CREBBP: variants seen among roughly 807,000 people sequenced by gnomAD.
CREBBP encodes CREB binding lysine acetyltransferase.
A neutral mutation model predicts 265.0 loss-of-function variants in CREBBP; 19 were observed. The observed-to-expected ratio is 0.07, with a 90% confidence interval of 0.05 to 0.11. CREBBP has a LOEUF of 0.11. Among genes scored for constraint, CREBBP ranks in the 10% least tolerant of loss-of-function variants. The pLI, the probability that CREBBP is intolerant of heterozygous loss-of-function variation, is 1.00. For synonymous variants in CREBBP, 1,457 were observed against 1,223.7 expected (o/e 1.19, Z -3.98); for missense variants, 2,525 against 3,219.0 (o/e 0.78, Z 5.22).
chr16:3,781,275 T>G lies in CREBBP; in HGVS notation c.1605A>C (p.Gly535=), dbSNP rs771894829. 40 of 1,613,854 alleles carry G rather than the reference T, an allele frequency of 2.5e-5. No homozygotes were observed. Among genetic ancestry groups the G allele is most frequent in the Non-Finnish European group, 3.4e-5 (40 of 1,179,890 alleles). The change falls in exon 7 of 31, where the codon GGA becomes GGC. Residue 535 remains glycine, a synonymous_variant. Transcript: ENST00000262367. ...TTGGGGGCTGCTGATCTGTTGTTATTCCTCCTGCTGGAATGTTCATTGGAT... is the reference window on the plus strand; with the variant it reads ...TTGGGGGCTGCTGATCTGTTGTTATGCCTCCTGCTGGAATGTTCATTGGAT... ...GNNPMNIPAG[G]ITTDQQPPNL...
intron 1 of CREBBP, among the ~76,000 whole-genome samples, chr16:3,878,426 ACT>A (rs1597096970): frequency 6.6e-6 from 1 of 152,176 alleles, no homozygotes; most frequent in South Asian, 2.1e-4. Context: ...ACTCCTCCCC[ACT>A]GTTTAACAAA....
At chr16:3,757,715 TC>T in intron 18 of CREBBP, 93 bp downstream of exon 18, 1 of 1,542,572 alleles carries the variant, frequency 6.5e-7, no homozygotes, top group East Asian at 2.3e-5. Flanking sequence ...ACATATGCAC[TC>T]CCAGTATACA....
chr16:3,843,423 ATTTTTT>A (rs71133662), intron 2 of CREBBP, among the ~76,000 whole-genome samples: 1 of 141,812 alleles, frequency 7.1e-6, no homozygotes, highest in African/African-American at 2.6e-5. Flanking sequence ...GTTGTCAAAG[ATTTTTT>A]TTTTTTTTTT....
In CREBBP at chr16:3,728,103, C is replaced by T. The variant is rs2151300333; in HGVS notation, c.6944G>A (p.Ser2315Asn). The T allele has an allele frequency of 6.2e-7, 1 of 1,614,122 alleles. No homozygotes were observed. Among genetic ancestry groups the T allele is most frequent in the Non-Finnish European group, 8.5e-7 (1 of 1,180,016 alleles). The change falls in exon 31 of 31, where the codon AGC becomes AAC. Residue 2315 changes from serine to asparagine, a missense_variant. Physicochemically the swap from Ser to Asn is conservative, Grantham distance 46 (BLOSUM62 1). Coordinates refer to ENST00000262367, the MANE Select transcript of CREBBP (RefSeq NM_004380.3). This position sits in a 1 kb window ranked among gnomAD's most constrained non-coding sequence, Gnocchi z 8.7. ...IGSPGQPNPM[S>N]PQQHMLSGQP... ...TCCTGAGAGCATGTGTTGCTGGGGG[C>T]TCATGGGGTTCGGCTGGCCTGGGGA... is the stretch of plus-strand genomic sequence containing the variant.
At chr16:3,788,076 T>C (rs1343358274) in intron 5 of CREBBP, among the ~76,000 whole-genome samples, 3 of 152,304 alleles carry the variant, frequency 2.0e-5, no homozygotes, top group Non-Finnish European at 4.4e-5. Context: ...GGGCAGCAGC[T>C]GGGGCCATGG....
At chr16:3,748,609 G>T (rs758455056) in intron 21 of CREBBP, among the ~76,000 whole-genome samples, 4 of 152,210 alleles carry the variant, frequency 2.6e-5, no homozygotes, top group Non-Finnish European at 4.4e-5. Context: ...GGAGAGCAGG[G>T]TCTGTTTCTT....
Position 3,796,758 on chromosome 16 carries a change from T to C in CREBBP, c.976-3132A>G, listed in dbSNP as rs130035. ...GTCAAAACAGGATGGTTGGAAACTA[T>C]ATGGCAAATTTAAAATTTGTTCTGT... On this transcript the variant is annotated intron_variant, in intron 3 of 30. Coordinates refer to ENST00000262367, the MANE Select transcript of CREBBP (RefSeq NM_004380.3). 8.0e-3 allele frequency among the ~76,000 whole-genome samples: 1,220 copies of C among 152,262 alleles called. 9 individuals are homozygous for C. Among genetic ancestry groups the C allele is most frequent in the Middle Eastern group, 0.014 (4 of 294 alleles).
At chr16:3,812,114 G>T (rs2053950051) in intron 2 of CREBBP, among the ~76,000 whole-genome samples, 2 of 152,084 alleles carry the variant, frequency 1.3e-5, no homozygotes, top group Admixed American at 6.6e-5. Context: ...CACTAACCAA[G>T]CAGTAGGCGA....
At chr16:3,740,642 G>C in intron 23 of CREBBP, 93 bp from the exon 24 acceptor site, 2 of 1,426,312 alleles carry the variant, frequency 1.4e-6, no homozygotes, top group Admixed American at 1.8e-5. Flanking sequence ...TTGCAGCACA[G>C]GCTGATATTT....
At chr16:3,744,770 A>G (rs1259484134) in intron 23 of CREBBP, 124 bp downstream of exon 23, 1 of 784,758 alleles carries the variant, frequency 1.3e-6, no homozygotes, top group Admixed American at 2.0e-5. Flanking sequence ...GAAAAAACTA[A>G]CGAAAATCTT....
intron 4 of CREBBP, among the ~76,000 whole-genome samples, chr16:3,792,356 A>T (rs2053523260): frequency 6.6e-6 from 1 of 152,222 alleles, no homozygotes; most frequent in East Asian, 1.9e-4. Context: ...CAAAACAAAA[A>T]CTATTCAACC....
intron 16 of CREBBP, among the ~76,000 whole-genome samples, chr16:3,760,391 GTTTTTTTTTTTTTT>G (rs35861892): frequency 2.9e-4 from 22 of 75,944 alleles, no homozygotes; most frequent in Non-Finnish European, 4.7e-4. Context: ...TCATGCCCAG[GTTTTTTTTTTTTTT>G]TTTTTTTTTT....
At chr16:3,805,550 C>T (rs563865879) in intron 3 of CREBBP, among the ~76,000 whole-genome samples, 2 of 152,326 alleles carry the variant, frequency 1.3e-5, no homozygotes, top group South Asian at 2.1e-4. Context: ...AAGACGACAA[C>T]AGAGAGAGAT....
At chr16:3,767,091 G>T (rs1019573686) in intron 16 of CREBBP, among the ~76,000 whole-genome samples, 1 of 152,060 alleles carries the variant, frequency 6.6e-6, no homozygotes, top group Non-Finnish European at 1.5e-5. Flanking sequence ...CTGATACCCT[G>T]TTATCTCTTT....
At chr16:3,841,350 A>G (rs1386091968) in intron 2 of CREBBP, among the ~76,000 whole-genome samples, 7 of 152,118 alleles carry the variant, frequency 4.6e-5, no homozygotes, top group Non-Finnish European at 1.0e-4. Context: ...TGGGTAAAGA[A>G]AGCATTGGGT....
intron 21 of CREBBP, among the ~76,000 whole-genome samples, chr16:3,749,329 T>C (rs190748303): frequency 2.0e-5 from 3 of 152,360 alleles, no homozygotes; most frequent in East Asian, 1.9e-4. Flanking sequence ...TAAAGATTCA[T>C]GCTAAATGGC....
Position 3,740,416 on chromosome 16 carries a change from C to T in CREBBP, c.4116G>A (p.Lys1372=), listed in dbSNP as rs2151339980. ...ACACTGACCGTGACTTCATCCCGGG[C>T]TTGACCTCCACCGTCTTGTCTGAGC... The part of the protein sequence containing the change: ...VASSDKTVEV[K]PGMKSRFVDS... The change falls in exon 24 of 31, where the codon AAG becomes AAA. Residue 1372 remains lysine, a synonymous_variant. Transcript: ENST00000262367. 2 of 1,614,184 alleles carry T rather than the reference C, an allele frequency of 1.2e-6. No individual in the cohort carries two copies. The highest frequency in any genetic ancestry group is 2.2e-5 in the East Asian group (1 of 44,876).
Position 3,758,057 on chromosome 16 carries a change from A to C in CREBBP, c.3370-9T>G. On this transcript the variant is annotated splice_polypyrimidine_tract_variant and intron_variant, in intron 17 of 30. Coordinates refer to ENST00000262367, the MANE Select transcript of CREBBP (RefSeq NM_004380.3). ...ACGATGTCAAAATAGTCCTTAAAAA[A>C]AAAAAAATGGTCTCAGTATAGGGAA... 1 of 1,613,582 alleles carries C rather than the reference A, an allele frequency of 6.2e-7. No homozygotes were observed. The highest frequency in any genetic ancestry group is 1.1e-5 in the South Asian group (1 of 91,074).
intron 17 of CREBBP, 60 bp from the exon 18 acceptor site, chr16:3,758,108 C>T: frequency 3.2e-6 from 5 of 1,558,456 alleles, no homozygotes; most frequent in Non-Finnish European, 4.4e-6. Context: ...ATGCCAGTCT[C>T]ATCTGGCAGC....
Sources: gnomAD v4.1 joint callset for allele counts (sites outside exome capture counted in the v4.1 genomes callset) on GRCh38, gnomAD v4.1.1 for gene constraint, Gnocchi (gnomAD v3.1) non-coding constraint, MANE v1.5 for transcripts, NCBI Gene and HGNC (gene_info 2026-07-23, HGNC 2026-07-21) for gene names.